The following PIWIL2 variants were observed in gnomAD, a reference collection of about 807,000 sequenced individuals.
PIWIL2 encodes piwi like RNA-mediated gene silencing 2, also known as piwi-like protein 2.
A neutral mutation model predicts 116.5 loss-of-function variants in PIWIL2; 81 were observed. The ratio of observed to expected loss-of-function variants is 0.70; its 90% confidence interval spans 0.58 to 0.84. The LOEUF is 0.84. Ranked by LOEUF, PIWIL2 falls within the 40% of genes least tolerant of loss-of-function variation. PIWIL2 has a pLI of 0.00. For missense variants in PIWIL2, 1,272 were observed against 1,212.3 expected, an observed-to-expected ratio of 1.05 and a Z score of -0.73; for synonymous variants, 489 against 429.5, an observed-to-expected ratio of 1.14 and a Z score of -1.71.
intron 7 of PIWIL2, 132 bp downstream of exon 7, chr8:22,287,777 G>A (rs1830663801): frequency 1.5e-6 from 1 of 662,472 alleles, no homozygotes; most frequent in South Asian, 1.7e-5. Context: ...AAAGCCCTGG[G>A]ACTACAGGCG....
chr8:22,282,536 T>TA (rs1014404419), intron 4 of PIWIL2, among the ~76,000 whole-genome samples: 1 of 151,950 alleles, frequency 6.6e-6, no homozygotes, highest in African/African-American at 2.4e-5. Context: ...TCTATTCTGC[T>TA]ATGGAAGATG....
intron 20 of PIWIL2, among the ~76,000 whole-genome samples, chr8:22,351,288 A>G (rs1447222724): frequency 1.3e-5 from 2 of 151,044 alleles, no homozygotes; most frequent in Admixed American, 1.3e-4. Flanking sequence ...ACTGCAGTCT[A>G]ACCTGAGCAA....
At chr8:22,278,536 A>G (rs1830428658) in intron 1 of PIWIL2, among the ~76,000 whole-genome samples, 1 of 152,156 alleles carries the variant, frequency 6.6e-6, no homozygotes, top group African/African-American at 2.4e-5. Context: ...GCTTCCTTAT[A>G]CAACAGCTAG....
intron 10 of PIWIL2, among the ~76,000 whole-genome samples, chr8:22,290,593 C>T (rs1212552769): frequency 3.3e-5 from 5 of 150,944 alleles, no homozygotes; most frequent in African/African-American, 4.9e-5. Context: ...GGGTGTGCTA[C>T]CATGCCCAGC....
At chr8:22,283,267 C>T (rs768567264) in intron 5 of PIWIL2, 27 bp downstream of exon 5, 31 of 1,543,968 alleles carry the variant, frequency 2.0e-5, no homozygotes, top group Non-Finnish European at 2.6e-5. Flanking sequence ...GCCTTCTCTA[C>T]TTAGTAATGA....
chr8:22,295,952 G>A lies in PIWIL2; in HGVS notation c.1181+5606G>A, dbSNP rs574621936. On this transcript the variant is annotated intron_variant, in intron 10 of 22. Transcript: ENST00000356766. ...TAGAAATGTCTGTTAGAATCTGATC[G>A]GCTTCAGTTCGGCTGGTTGCTCTCC... Among the ~76,000 whole-genome samples, 3 of 150,926 alleles carry A rather than the reference G, an allele frequency of 2.0e-5. No homozygotes were observed. In the East Asian group the frequency reaches 5.8e-4, roughly 29 times the overall value.
chr8:22,349,913 G>T (rs546829382), intron 20 of PIWIL2, among the ~76,000 whole-genome samples: 9 of 152,266 alleles, frequency 5.9e-5, no homozygotes, highest in African/African-American at 1.9e-4. Context: ...AGCAAGGGAG[G>T]AGCAGTCTGT....
intron 20 of PIWIL2, among the ~76,000 whole-genome samples, chr8:22,351,440 C>CATGTAT (rs1554507096): frequency 1.9e-5 from 1 of 52,932 alleles, no homozygotes; most frequent in Non-Finnish European, 3.9e-5. Context: ...TGCATACATA[C>CATGTAT]ATATATATAT....
At chr8:22,283,303 G>C in intron 5 of PIWIL2, 63 bp downstream of exon 5, 4 of 1,305,416 alleles carry the variant, frequency 3.1e-6, no homozygotes, top group Non-Finnish European at 4.4e-6. Flanking sequence ...ATTTTGGCTC[G>C]TGTGTAGTAT....
chr8:22,288,215 G>A (rs144298379), intron 7 of PIWIL2, among the ~76,000 whole-genome samples: 9,180 of 149,334 alleles, frequency 0.061, 419 homozygotes, highest in Non-Finnish European at 0.092. Flanking sequence ...GGAGAATGGC[G>A]TCAACCCAGG....
At chr8:22,294,305 T>G (rs1465210659) in intron 10 of PIWIL2, among the ~76,000 whole-genome samples, 1 of 118,574 alleles carries the variant, frequency 8.4e-6, no homozygotes, top group Admixed American at 1.1e-4. Flanking sequence ...GCCATTACAC[T>G]CCAGCCTGGG....
At chr8:22,301,465 T>C (rs1831047549) in intron 10 of PIWIL2, among the ~76,000 whole-genome samples, 1 of 151,944 alleles carries the variant, frequency 6.6e-6, no homozygotes, top group African/African-American at 2.4e-5. Context: ...CTGGCTGTTT[T>C]GTACTTTTAG....
At position 22,355,445 on chromosome 8, in the gene PIWIL2, A is replaced by C; in HGVS notation, c.2862A>C (p.Ser954=). 3 of 1,614,166 alleles carry C rather than the reference A, an allele frequency of 1.9e-6. No homozygotes were observed. Among genetic ancestry groups the C allele is most frequent in the Non-Finnish European group, 1.7e-6 (2 of 1,180,016 alleles). Residue 954 remains serine, a synonymous_variant, in exon 23 of 23, where the codon TCA becomes TCC. Transcript: ENST00000356766. Reference sequence around the variant, plus strand: ...ATGCCCACAAGCTAGCTTTCCTGTCAGGACACATCTTGCATCATGAACCAG... The same window carrying C: ...ATGCCCACAAGCTAGCTTTCCTGTCCGGACACATCTTGCATCATGAACCAG... ...CKYAHKLAFL[S]GHILHHEPAI...
intron 20 of PIWIL2, among the ~76,000 whole-genome samples, chr8:22,336,685 C>T (rs758342292): frequency 4.6e-5 from 7 of 152,048 alleles, no homozygotes; most frequent in Non-Finnish European, 1.0e-4. Context: ...AGTGGGAGAT[C>T]ACTTGAGCCC....
intron 20 of PIWIL2, among the ~76,000 whole-genome samples, chr8:22,352,284 T>G (rs778811919): frequency 9.2e-5 from 14 of 152,242 alleles, no homozygotes; most frequent in Admixed American, 6.5e-5. Flanking sequence ...TAGAACACAA[T>G]TATATTCCCT....
intron 10 of PIWIL2, among the ~76,000 whole-genome samples, chr8:22,301,404 A>G (rs558810267): frequency 2.6e-5 from 4 of 151,598 alleles, no homozygotes; most frequent in African/African-American, 7.3e-5. Flanking sequence ...GCTGATTCTC[A>G]TGCCTTGGCC....
intron 20 of PIWIL2, among the ~76,000 whole-genome samples, chr8:22,341,434 A>G (rs999058771): frequency 2.0e-5 from 3 of 152,188 alleles, no homozygotes; most frequent in African/African-American, 7.2e-5. Flanking sequence ...CGTCTCTACT[A>G]AAAATACAAA....
intron 10 of PIWIL2, among the ~76,000 whole-genome samples, chr8:22,291,328 T>G (rs2132002871): frequency 6.6e-6 from 1 of 152,000 alleles, no homozygotes; most frequent in South Asian, 2.1e-4. Flanking sequence ...TTTTTTGTAT[T>G]TTAGTAGAGA....
At chr8:22,291,669 T>C (rs539211988) in intron 10 of PIWIL2, among the ~76,000 whole-genome samples, 1 of 152,308 alleles carries the variant, frequency 6.6e-6, no homozygotes, top group Non-Finnish European at 1.5e-5. Flanking sequence ...CCACCAGCTA[T>C]GTACAACCAC....
Sources: allele counts gnomAD v4.1 joint callset (sites outside exome capture counted in the v4.1 genomes callset), GRCh38; gene constraint gnomAD v4.1.1; transcripts MANE v1.5; gene names NCBI Gene and HGNC (gene_info 2026-07-23, HGNC 2026-07-21).